ROBO1: variants seen among roughly 807,000 people sequenced by gnomAD.
ROBO1 encodes roundabout guidance receptor 1.
In ROBO1, 149 loss-of-function variants were observed where a neutral mutation model predicts 195.9. The ratio of observed to expected loss-of-function variants is 0.76; its 90% confidence interval spans 0.67 to 0.87. ROBO1 has a LOEUF of 0.87. Ranked by LOEUF, ROBO1 falls within the 40% of genes least tolerant of loss-of-function variation. ROBO1 has a pLI of 0.00. For missense variants in ROBO1, 1,933 were observed against 2,068.3 expected (o/e 0.93, Z 1.27); for synonymous variants, 816 against 733.2 (o/e 1.11, Z -1.82).
chr3:79,421,540 G>A (rs908023297), intron 2 of ROBO1, among the ~76,000 whole-genome samples: 1 of 152,066 alleles, frequency 6.6e-6, no homozygotes, highest in Non-Finnish European at 1.5e-5. Flanking sequence ...TGCCAGATAT[G>A]AGCAAAGCAA....
chr3:79,611,069 G>A (rs1416045684), intron 1 of ROBO1, among the ~76,000 whole-genome samples: 4 of 151,970 alleles, frequency 2.6e-5, no homozygotes, highest in Non-Finnish European at 4.4e-5. Flanking sequence ...TCCCTACATG[G>A]TACAAGAGTC....
At chr3:79,038,087 G>A (rs747921405) in intron 3 of ROBO1, among the ~76,000 whole-genome samples, 5 of 152,018 alleles carry the variant, frequency 3.3e-5, no homozygotes, top group African/African-American at 4.8e-5. Flanking sequence ...ACTATTGTAC[G>A]TCATGTTTCC....
chr3:78,801,913 G>T (rs569101559), intron 4 of ROBO1, among the ~76,000 whole-genome samples: 7 of 152,144 alleles, frequency 4.6e-5, no homozygotes, highest in African/African-American at 1.7e-4. Flanking sequence ...ATTTTGTAGG[G>T]CTTGTTGTCC....
At chr3:79,212,027 G>A (rs2081973871) in intron 2 of ROBO1, among the ~76,000 whole-genome samples, 1 of 152,182 alleles carries the variant, frequency 6.6e-6, no homozygotes, top group Non-Finnish European at 1.5e-5. Flanking sequence ...CCAAAATAAA[G>A]GGATGGGCTC....
At chr3:78,672,740 A>C (rs1708138724) in intron 10 of ROBO1, among the ~76,000 whole-genome samples, 1 of 152,220 alleles carries the variant, frequency 6.6e-6, no homozygotes, top group Non-Finnish European at 1.5e-5. Flanking sequence ...CAAAGAATGT[A>C]CTGCATTTAT....
At chr3:78,874,439 A>G (rs2035720662) in intron 4 of ROBO1, among the ~76,000 whole-genome samples, 1 of 151,858 alleles carries the variant, frequency 6.6e-6, no homozygotes. Context: ...AATTTGCATT[A>G]TAACTTATAA....
chr3:79,547,244 G>GT lies in ROBO1; in HGVS notation c.88+42579dup, dbSNP rs1181585736. Among the ~76,000 whole-genome samples, 28 of 141,744 alleles carry GT rather than the reference G, an allele frequency of 2.0e-4. 1 individual carries two copies. The highest frequency in any genetic ancestry group is 2.0e-3 in the Admixed American group (28 of 14,244). The allele number at this position is 141,744 out of a possible 152,430, so 93.0% of individuals were successfully genotyped here. A position where few individuals can be genotyped will look rare whatever the true frequency, so the allele number is the denominator to read the frequency against. ...CATTTTGACAAAACAAACTGAAGCT[G>GT]TTTAGAATATAAGGTAAGAAACACA... On this transcript the variant is annotated intron_variant, in intron 2 of 30. Coordinates refer to ENST00000464233, the MANE Select transcript of ROBO1 (RefSeq NM_002941.4).
intron 5 of ROBO1, among the ~76,000 whole-genome samples, chr3:78,727,310 T>G (rs754657808): frequency 6.6e-6 from 1 of 152,058 alleles, no homozygotes; most frequent in African/African-American, 2.4e-5. Flanking sequence ...CCCAGGTAGG[T>G]AGTGCAAAAA....
intron 4 of ROBO1, among the ~76,000 whole-genome samples, chr3:78,776,398 A>G (rs1007836198): frequency 6.6e-6 from 1 of 152,068 alleles, no homozygotes; most frequent in Admixed American, 6.6e-5. Context: ...ATTACAGGCA[A>G]GCGCCACCAC....
chr3:79,429,735 A>G (rs972044517), intron 2 of ROBO1, among the ~76,000 whole-genome samples: 4 of 152,146 alleles, frequency 2.6e-5, no homozygotes, highest in African/African-American at 9.6e-5. Flanking sequence ...ACGTCTTTGA[A>G]CTGGCTACTC....
intron 22 of ROBO1, among the ~76,000 whole-genome samples, chr3:78,637,776 C>A (rs78097678): frequency 0.042 from 6,327 of 152,134 alleles, 134 homozygotes; most frequent in Non-Finnish European, 0.051. Flanking sequence ...TACGTCACAT[C>A]CACGTCCAGT....
intron 1 of ROBO1, among the ~76,000 whole-genome samples, chr3:79,671,749 C>T (rs552891068): frequency 2.2e-3 from 334 of 151,818 alleles, no homozygotes; most frequent in Non-Finnish European, 3.6e-3. Context: ...TAAAATCATC[C>T]GTGTATTCTA....
chr3:79,187,879 C>G (rs2081469585), intron 2 of ROBO1, among the ~76,000 whole-genome samples: 1 of 151,968 alleles, frequency 6.6e-6, no homozygotes, highest in Admixed American at 6.6e-5. Flanking sequence ...AAAAAGAAAA[C>G]TGCCTGAGGA....
At chr3:78,956,176 A>G (rs1260327935) in intron 3 of ROBO1, among the ~76,000 whole-genome samples, 1 of 152,182 alleles carries the variant, frequency 6.6e-6, no homozygotes, top group African/African-American at 2.4e-5. Flanking sequence ...TTAAATGAGT[A>G]ATTAGTAATC....
At chr3:79,210,582 A>T (rs2081951251) in intron 2 of ROBO1, among the ~76,000 whole-genome samples, 1 of 152,146 alleles carries the variant, frequency 6.6e-6, no homozygotes, top group South Asian at 2.1e-4. Flanking sequence ...ATCTTTTCAT[A>T]TGAGAAAAGG....
chr3:78,608,595 T>C (rs1382641348), intron 28 of ROBO1, among the ~76,000 whole-genome samples: 2 of 152,202 alleles, frequency 1.3e-5, no homozygotes, highest in Non-Finnish European at 2.9e-5. Flanking sequence ...GTTTCGGTTA[T>C]TCCGGCTGCA....
At chr3:79,289,604 A>G (rs553415185) in intron 2 of ROBO1, among the ~76,000 whole-genome samples, 45 of 152,310 alleles carry the variant, frequency 3.0e-4, no homozygotes, top group African/African-American at 9.6e-4. Flanking sequence ...GTTATATAGT[A>G]CCATAGATAA....
At chr3:79,596,335 G>T (rs1231496522) in intron 1 of ROBO1, among the ~76,000 whole-genome samples, 1 of 151,950 alleles carries the variant, frequency 6.6e-6, no homozygotes, top group East Asian at 1.9e-4. Flanking sequence ...ACACATGAAT[G>T]ACAAAAATAA....
At chr3:79,143,645 T>C (rs1445849072) in intron 2 of ROBO1, among the ~76,000 whole-genome samples, 2 of 152,102 alleles carry the variant, frequency 1.3e-5, no homozygotes, top group Admixed American at 6.6e-5. Flanking sequence ...ATAAAAACTT[T>C]TCAAATTTTG....
Sources: gnomAD v4.1 joint callset for allele counts (sites outside exome capture counted in the v4.1 genomes callset) on GRCh38, gnomAD v4.1.1 for gene constraint, MANE v1.5 for transcripts, NCBI Gene and HGNC (gene_info 2026-07-23, HGNC 2026-07-21) for gene names.